CEP112: variants seen among roughly 807,000 people sequenced by gnomAD.
The protein encoded by CEP112 is centrosomal protein of 112 kDa.
A neutral mutation model predicts 153.0 loss-of-function variants in CEP112; 127 were observed. The ratio of observed to expected loss-of-function variants is 0.83; its 90% CI spans 0.72 to 0.96. CEP112 has a LOEUF of 0.96. Among genes scored for constraint, CEP112 ranks in the 40% least tolerant of loss-of-function variants. The probability of loss-of-function intolerance (pLI) is 0.00; values close to 1 mark genes in which losing one functional copy is unlikely to be tolerated. For missense variants in CEP112, 1,089 were observed against 1,101.2 expected, an observed-to-expected ratio of 0.99 and a Z score of 0.16; for synonymous variants, 358 against 374.4, an observed-to-expected ratio of 0.96 and a Z score of 0.51.
intron 6 of CEP112, among the ~76,000 whole-genome samples, chr17:66,118,650 T>C (rs745545271): frequency 6.6e-6 from 1 of 152,126 alleles, no homozygotes; most frequent in Non-Finnish European, 1.5e-5. Flanking sequence ...TAGTGTTCAG[T>C]AGCATGGTAG....
intron 20 of CEP112, among the ~76,000 whole-genome samples, chr17:65,897,989 T>C (rs2059715728): frequency 6.6e-6 from 1 of 152,144 alleles, no homozygotes; most frequent in Non-Finnish European, 1.5e-5. Context: ...CTCTTTGCTG[T>C]GGCTTCCAGG....
intron 24 of CEP112, among the ~76,000 whole-genome samples, chr17:65,679,129 C>CTTTTTTGTTTTTTTTTTTTTT (rs2047380196): frequency 3.2e-5 from 1 of 31,612 alleles, no homozygotes. Context: ...GTGGTTCAAG[C>CTTTTTTGTTTTTTTTTTTTTT]TTTTTTTTTT....
intron 10 of CEP112, among the ~76,000 whole-genome samples, chr17:66,064,861 G>A (rs924817719): frequency 6.6e-6 from 1 of 152,078 alleles, no homozygotes; most frequent in Non-Finnish European, 1.5e-5. Context: ...GTAATATTTG[G>A]AGAAAAAACC....
At chr17:65,970,450 T>A (rs1371135740) in intron 17 of CEP112, among the ~76,000 whole-genome samples, 2 of 55,984 alleles carry the variant, frequency 3.6e-5, no homozygotes, top group Admixed American at 3.0e-4. Context: ...TGCATGTATA[T>A]TACATGCATG....
chr17:65,902,398 T>C, intron 19 of CEP112, 64 bp from the exon 20 acceptor site: 9 of 1,336,228 alleles, frequency 6.7e-6, no homozygotes, highest in Non-Finnish European at 9.1e-6. Context: ...ACAACTCATG[T>C]ACAGCTTAAT....
chr17:65,745,000 G>C (rs1598450007), intron 22 of CEP112, among the ~76,000 whole-genome samples: 1 of 152,206 alleles, frequency 6.6e-6, no homozygotes, highest in South Asian at 2.1e-4. Context: ...CTATTATTTG[G>C]TGACAAAACA....
intron 20 of CEP112, among the ~76,000 whole-genome samples, chr17:65,899,624 C>A (rs1415731330): frequency 6.6e-6 from 1 of 152,024 alleles, no homozygotes; most frequent in Non-Finnish European, 1.5e-5. Flanking sequence ...ATACAATGTA[C>A]TACATATTTG....
At chr17:65,989,797 A>C (rs1354537787) in intron 17 of CEP112, among the ~76,000 whole-genome samples, 1 of 152,232 alleles carries the variant, frequency 6.6e-6, no homozygotes, top group Non-Finnish European at 1.5e-5. Flanking sequence ...ACCTATAAAA[A>C]ACAATACTAC....
intron 24 of CEP112, among the ~76,000 whole-genome samples, chr17:65,679,474 A>T (rs1045182056): frequency 6.6e-6 from 1 of 152,198 alleles, no homozygotes; most frequent in South Asian, 2.1e-4. Context: ...GATGAAACAT[A>T]GCTTTGAGTT....
chr17:65,673,286 G>T (rs1254886162), intron 24 of CEP112, among the ~76,000 whole-genome samples: 1 of 152,040 alleles, frequency 6.6e-6, no homozygotes, highest in African/African-American at 2.4e-5. Context: ...CTTTAAAGTG[G>T]CAATGGCGCA....
rs1221291160 is a variant in CEP112 at position 65,660,262 on chromosome 17, TTTTC to T, written c.2698-19201_2698-19198del. The stretch of plus-strand genomic sequence containing the variant: ...TCTTTTTTGTTTTCTTTCTTTTTTC[TTTTC>T]TTTTTCTCCTTCCTTCCTTCCTCCC... On this transcript the variant is annotated intron_variant, in intron 24 of 26. Coordinates refer to ENST00000535342, the MANE Select transcript of CEP112 (RefSeq NM_001199165.4). Among the ~76,000 whole-genome samples, 6 of 144,656 alleles carry T rather than the reference TTTTC, an allele frequency of 4.1e-5. 1 individual carries two copies. Among genetic ancestry groups the T allele is most frequent in the South Asian group, 2.3e-4 (1 of 4,312 alleles). The allele number at this position is 144,656 out of a possible 152,430, so 94.9% of individuals were successfully genotyped here. A position where few individuals can be genotyped will look rare whatever the true frequency, so the allele number is the denominator to read the frequency against.
intron 17 of CEP112, among the ~76,000 whole-genome samples, chr17:65,961,889 A>C (rs1278691609): frequency 6.6e-6 from 1 of 152,256 alleles, no homozygotes; most frequent in Admixed American, 6.5e-5. Flanking sequence ...AATAAACAAA[A>C]TGTGGAATAG....
In CEP112 at chr17:65,666,775, GA is replaced by G. The variant is rs879871451; in HGVS notation, c.2697+22353del. ...ATGGAAAGTTCAATTGATAATTAAA[GA>G]AAAAAAAAACACTTCACTTTTGAGC... On this transcript the variant is annotated intron_variant, in intron 24 of 26. Transcript: ENST00000535342. 8.5e-3 allele frequency among the ~76,000 whole-genome samples: 1,239 copies of G among 145,872 alleles called. 21 individuals carry two copies. Among genetic ancestry groups the G allele is most frequent in the African/African-American group, 0.028 (1,133 of 39,946 alleles).
At chr17:65,899,886 CT>C (rs1363945457) in intron 20 of CEP112, among the ~76,000 whole-genome samples, 2 of 152,132 alleles carry the variant, frequency 1.3e-5, no homozygotes, top group East Asian at 3.8e-4. Context: ...TACGTTTGTT[CT>C]GCATCAAACT....
chr17:65,724,579 T>C (rs928033033), intron 23 of CEP112, among the ~76,000 whole-genome samples: 1 of 152,232 alleles, frequency 6.6e-6, no homozygotes, highest in Non-Finnish European at 1.5e-5. Context: ...TTGGAAAATA[T>C]ACTTATATAT....
chr17:65,944,322 C>A (rs1173767816), intron 18 of CEP112, among the ~76,000 whole-genome samples: 1 of 152,172 alleles, frequency 6.6e-6, no homozygotes, highest in Admixed American at 6.5e-5. Context: ...GAATTAAAAT[C>A]AAATCAAATT....
chr17:65,821,508 A>AAT, intron 21 of CEP112, among the ~76,000 whole-genome samples: 10 of 115,570 alleles, frequency 8.7e-5, no homozygotes, highest in African/African-American at 3.3e-4. Context: ...ATATATATAT[A>AAT]TATAATTATA....
Position 65,763,508 on chromosome 17 carries a change from C to CT in CEP112, c.2395-12785dup, listed in dbSNP as rs200079638. On this transcript the variant is annotated intron_variant, in intron 21 of 26. Transcript: ENST00000535342. Reference sequence around the variant, plus strand: ...AGATATTTTATTGTTTTTTTTCAGTCTTTTTTTTTCTCTTTGTTTTACAAC... The same window carrying CT: ...AGATATTTTATTGTTTTTTTTCAGTCTTTTTTTTTTCTCTTTGTTTTACAAC... 8.0e-5 allele frequency among the ~76,000 whole-genome samples: 12 copies of CT among 149,644 alleles called. 1 individual carries two copies. The Middle Eastern group carries it at 0.01, about 127-fold the overall frequency.
chr17:65,768,404 T>C (rs1340703498), intron 21 of CEP112, among the ~76,000 whole-genome samples: 2 of 152,020 alleles, frequency 1.3e-5, no homozygotes, highest in Non-Finnish European at 2.9e-5. Flanking sequence ...TGCAGATAAG[T>C]AGACCCATGC....
Sources: allele counts gnomAD v4.1 joint callset (sites outside exome capture counted in the v4.1 genomes callset), GRCh38; gene constraint gnomAD v4.1.1; transcripts MANE v1.5; gene names NCBI Gene and HGNC (gene_info 2026-07-23, HGNC 2026-07-21).